Variants in NETO2 observed in about 807,000 individuals in gnomAD.
NETO2 encodes the protein neuropilin and tolloid-like protein 2.
In NETO2, 28 loss-of-function variants were observed where a neutral mutation model predicts 62.5. The observed-to-expected ratio is 0.45, with a 90% CI of 0.33 to 0.61. The LOEUF is 0.61. Among genes scored for constraint, NETO2 ranks in the 20% least tolerant of loss-of-function variants. The probability of loss-of-function intolerance (pLI) is 0.02; values close to 1 mark genes in which losing one functional copy is unlikely to be tolerated. For synonymous variants in NETO2, 214 were observed against 219.1 expected (o/e 0.98, Z 0.21); for missense variants, 548 against 643.2 (o/e 0.85, Z 1.60).
At chr16:47,121,506 A>C (rs1964040056) in intron 6 of NETO2, among the ~76,000 whole-genome samples, 1 of 152,242 alleles carries the variant, frequency 6.6e-6, no homozygotes, top group Admixed American at 6.5e-5. Flanking sequence ...GTTTCTAAGT[A>C]TAAAGCTAGG....
chr16:47,089,182 G>A (rs745943411), intron 7 of NETO2, among the ~76,000 whole-genome samples: 4 of 152,078 alleles, frequency 2.6e-5, no homozygotes, highest in East Asian at 1.9e-4. Flanking sequence ...GTTCACCTGC[G>A]GAGTACTCAG....
rs941971236 is a variant in NETO2 at position 47,082,584 on chromosome 16, G to A, written c.*637C>T. Reference sequence around the variant, plus strand: ...ATCTATTATTTCTCACAGAAAATAAGGAATAAGGGCCCAGTAATTAAAAGG... The same window carrying A: ...ATCTATTATTTCTCACAGAAAATAAAGAATAAGGGCCCAGTAATTAAAAGG... On this transcript the variant is annotated 3_prime_UTR_variant, in exon 9 of 9. Transcript: ENST00000562435. 1.3e-5 allele frequency: 2 copies of A among 152,054 alleles called. No homozygotes were observed. Among genetic ancestry groups the A allele is most frequent in the Non-Finnish European group, 2.9e-5 (2 of 68,004 alleles). The allele number at this position is 152,054 out of a possible 1,614,324, so 9.4% of individuals were successfully genotyped here.
chr16:47,134,818 A>G (rs1221302687), intron 1 of NETO2, among the ~76,000 whole-genome samples: 1 of 152,242 alleles, frequency 6.6e-6, no homozygotes, highest in East Asian at 1.9e-4. Flanking sequence ...GTGCTTGTAT[A>G]AAATAACTGC....
intron 1 of NETO2, among the ~76,000 whole-genome samples, chr16:47,137,750 T>C (rs1025908600): frequency 5.3e-5 from 8 of 152,216 alleles, no homozygotes; most frequent in African/African-American, 1.4e-4. Flanking sequence ...TCTCCATCTG[T>C]TTTTTAATTT....
chr16:47,083,833 T>C, intron 8 of NETO2, 32 bp from the exon 9 acceptor site: 2 of 1,469,354 alleles, frequency 1.4e-6, no homozygotes, highest in South Asian at 2.6e-5. Context: ...CGTTAAGTTT[T>C]CAAAATACAT....
chr16:47,113,122 G>GT (rs2094740675), intron 6 of NETO2, among the ~76,000 whole-genome samples: 1 of 152,194 alleles, frequency 6.6e-6, no homozygotes, highest in South Asian at 2.1e-4. Context: ...GTATACTTGT[G>GT]TAGTAGCATG....
chr16:47,132,371 C>T (rs1288959769), intron 1 of NETO2, among the ~76,000 whole-genome samples: 2 of 151,296 alleles, frequency 1.3e-5, no homozygotes, highest in Admixed American at 6.6e-5. Flanking sequence ...TTACTGTAGT[C>T]CATCTCAAAG....
chr16:47,088,628 T>A (rs998047825), intron 7 of NETO2, among the ~76,000 whole-genome samples: 1 of 146,156 alleles, frequency 6.8e-6, no homozygotes, highest in Non-Finnish European at 1.5e-5. Context: ...CTAATGAGAT[T>A]TTTTTCTAAA....
At chr16:47,109,844 G>A in intron 6 of NETO2, 133 bp from the exon 7 acceptor site, 1 of 626,238 alleles carries the variant, frequency 1.6e-6, no homozygotes, top group East Asian at 2.8e-5. Flanking sequence ...AATGGCTGAT[G>A]CCTAAATAGT....
At position 47,126,636 on chromosome 16, in the gene NETO2, A is replaced by G. The variant is rs117105169; in HGVS notation, c.481+1689T>C. Among the ~76,000 whole-genome samples, 737 of 152,242 alleles carry G rather than the reference A, an allele frequency of 4.8e-3. 13 individuals are homozygous for G. In the East Asian group the frequency reaches 0.057, roughly 12 times the overall value. ...ATGTCAACTACAGGCTTTGGGTGAT[A>G]ATGATGCATGGATGTTGGCTCATCA... On this transcript the variant is annotated intron_variant, in intron 4 of 8. Coordinates refer to ENST00000562435, the MANE Select transcript of NETO2 (RefSeq NM_018092.5).
chr16:47,084,828 G>C (rs1349557797), intron 8 of NETO2, among the ~76,000 whole-genome samples: 1 of 152,158 alleles, frequency 6.6e-6, no homozygotes, highest in Non-Finnish European at 1.5e-5. Flanking sequence ...CTAGTTGAAG[G>C]AAAACAAGCT....
At chr16:47,086,563 A>G (rs914947883) in intron 7 of NETO2, among the ~76,000 whole-genome samples, 1 of 152,232 alleles carries the variant, frequency 6.6e-6, no homozygotes, top group African/African-American at 2.4e-5. Context: ...TAATGTAATG[A>G]TAATGAATGT....
intron 7 of NETO2, among the ~76,000 whole-genome samples, chr16:47,088,474 C>G (rs544119346): frequency 3.6e-4 from 55 of 152,292 alleles, no homozygotes; most frequent in African/African-American, 1.3e-3. Context: ...CTAAAAGATT[C>G]TGTACTTTTG....
chr16:47,128,169 A>G (rs1964193659), intron 4 of NETO2, among the ~76,000 whole-genome samples, 156 bp downstream of exon 4: 1 of 152,174 alleles, frequency 6.6e-6, no homozygotes, highest in African/African-American at 2.4e-5. Flanking sequence ...TTAACTTCTT[A>G]TTTGTTCATG....
Position 47,098,610 on chromosome 16 carries a change from T to C in NETO2, c.883+10873A>G, listed in dbSNP as rs1222876181. Among the ~76,000 whole-genome samples the C allele has an allele frequency of 4.6e-5, 7 of 152,320 alleles. No individual in the cohort carries two copies. In the South Asian group the frequency reaches 1.0e-3, roughly 23 times the overall value. ...CCAAGGTGGAAAACACTCTTCAGGA[T>C]ATTATCCAAGAGAACTTCCCCAACC... On this transcript the variant is annotated intron_variant, in intron 7 of 8. Coordinates refer to ENST00000562435, the MANE Select transcript of NETO2 (RefSeq NM_018092.5).
chr16:47,123,936 A>G (rs543673480), intron 4 of NETO2, among the ~76,000 whole-genome samples: 49 of 152,282 alleles, frequency 3.2e-4, no homozygotes, highest in African/African-American at 1.0e-3. Flanking sequence ...CAACCTTGTG[A>G]TCTGCCTGCC....
chr16:47,104,505 T>C (rs1293196845), intron 7 of NETO2, among the ~76,000 whole-genome samples: 1 of 152,174 alleles, frequency 6.6e-6, no homozygotes, highest in Non-Finnish European at 1.5e-5. Context: ...CCCAACAGTG[T>C]TTCTGCAGAA....
At chr16:47,130,879 C>A (rs779830924) in intron 2 of NETO2, among the ~76,000 whole-genome samples, 2 of 151,888 alleles carry the variant, frequency 1.3e-5, no homozygotes, top group Non-Finnish European at 2.9e-5. Context: ...ACGATCTGAC[C>A]CTTTACAGAA....
chr16:47,099,261 T>C (rs1488936791), intron 7 of NETO2, among the ~76,000 whole-genome samples: 3 of 152,192 alleles, frequency 2.0e-5, no homozygotes, highest in Non-Finnish European at 2.9e-5. Context: ...AAGCAAATGC[T>C]AAGAGACTCT....
Sources: allele counts gnomAD v4.1 joint callset (sites outside exome capture counted in the v4.1 genomes callset), GRCh38; gene constraint gnomAD v4.1.1; transcripts MANE v1.5; gene names NCBI Gene and HGNC (gene_info 2026-07-23, HGNC 2026-07-21).